Variants in ANKRD28 observed in about 807,000 individuals in gnomAD.
ANKRD28 encodes serine/threonine-protein phosphatase 6 regulatory ankyrin repeat subunit A.
A neutral mutation model predicts 126.5 loss-of-function variants in ANKRD28; 44 were observed. The ratio of observed to expected loss-of-function variants is 0.35; its 90% CI spans 0.27 to 0.45. The LOEUF (loss-of-function observed/expected upper bound fraction) is 0.45. Ranked by LOEUF, ANKRD28 falls within the 20% of genes least tolerant of loss-of-function variation. The probability of loss-of-function intolerance (pLI) is 1.00; values close to 1 mark genes in which losing one functional copy is unlikely to be tolerated. For synonymous variants in ANKRD28, 442 were observed against 468.5 expected (o/e 0.94, Z 0.73); for missense variants, 1,110 against 1,316.6 (o/e 0.84, Z 2.43).
chr3:15,792,222 T>C (rs1461182329), intron 2 of ANKRD28, among the ~76,000 whole-genome samples: 1 of 152,202 alleles, frequency 6.6e-6, no homozygotes, highest in Non-Finnish European at 1.5e-5. Context: ...CTGCTGGGTA[T>C]ATATCCAAAA....
intron 2 of ANKRD28, among the ~76,000 whole-genome samples, chr3:15,768,634 A>T (rs1050283888): frequency 2.0e-5 from 3 of 151,726 alleles, no homozygotes; most frequent in African/African-American, 4.8e-5. Context: ...CCTGGGCAAC[A>T]GAGCAAGATC....
At chr3:15,711,692 A>AT (rs879312791) in intron 11 of ANKRD28, among the ~76,000 whole-genome samples, 178 of 144,964 alleles carry the variant, frequency 1.2e-3, no homozygotes, top group Admixed American at 1.2e-3. Context: ...GGTTTTCTGT[A>AT]TTTTTTTTTT....
intron 1 of ANKRD28, among the ~76,000 whole-genome samples, chr3:15,852,121 T>C (rs2061664897): frequency 6.6e-6 from 1 of 152,178 alleles, no homozygotes; most frequent in Non-Finnish European, 1.5e-5. Flanking sequence ...TAAAATGGAT[T>C]TTGGTGGTAC....
At position 15,714,665 on chromosome 3, in the gene ANKRD28, G is replaced by GA. The variant is rs1429852480; in HGVS notation, c.997-10_997-9insT. 11 of 1,571,798 alleles carry GA rather than the reference G, an allele frequency of 7.0e-6. 1 individual carries two copies. The highest frequency in any genetic ancestry group is 3.4e-4 in the Middle Eastern group (2 of 5,900). ...GTTTTCCCATCTTTACTCTGGGGGGGGAAGAAAAAAATTACTCACTCTACT... is the reference window on the plus strand; with the variant it reads ...GTTTTCCCATCTTTACTCTGGGGGGGAGAAGAAAAAAATTACTCACTCTACT... On this transcript the variant is annotated splice_polypyrimidine_tract_variant and intron_variant, in intron 8 of 27. Coordinates refer to ENST00000683139, the MANE Select transcript of ANKRD28 (RefSeq NM_001349278.2).
chr3:15,762,700 G>A (rs150802813), intron 3 of ANKRD28, among the ~76,000 whole-genome samples: 9 of 151,872 alleles, frequency 5.9e-5, no homozygotes, highest in African/African-American at 2.2e-4. Context: ...GATAATTCCT[G>A]ATATCAAGGA....
In ANKRD28 at chr3:15,727,249, CT is replaced by C. The variant is rs529258275; in HGVS notation, c.641-2726del. Among the ~76,000 whole-genome samples, 301 of 152,088 alleles carry C rather than the reference CT, an allele frequency of 2.0e-3. 2 individuals are homozygous for C. Among genetic ancestry groups the C allele is most frequent in the Middle Eastern group, 0.01 (3 of 294 alleles). ...TGATTCCTCAAAGTAAATTGAAAACCTTCTGGAAAGGATTCATCATTCTAGA... is the reference window on the plus strand; with the variant it reads ...TGATTCCTCAAAGTAAATTGAAAACCTCTGGAAAGGATTCATCATTCTAGA... On this transcript the variant is annotated intron_variant, in intron 6 of 27. Coordinates refer to ENST00000683139, the MANE Select transcript of ANKRD28 (RefSeq NM_001349278.2).
At chr3:15,682,261 A>C (rs1423806354) in intron 21 of ANKRD28, among the ~76,000 whole-genome samples, 1 of 152,322 alleles carries the variant, frequency 6.6e-6, no homozygotes, top group East Asian at 1.9e-4. Context: ...TAAGTATTTA[A>C]AAATTTCTCA....
chr3:15,690,547 G>C (rs2068652077), intron 17 of ANKRD28, among the ~76,000 whole-genome samples: 1 of 152,122 alleles, frequency 6.6e-6, no homozygotes, highest in Non-Finnish European at 1.5e-5. Context: ...TTTCAAGTCT[G>C]ATTCTAAAAA....
intron 17 of ANKRD28, among the ~76,000 whole-genome samples, chr3:15,693,311 A>G (rs931182923): frequency 2.0e-5 from 3 of 151,776 alleles, no homozygotes; most frequent in Admixed American, 6.6e-5. Context: ...CTGACAAAAA[A>G]ATAGTAATGG....
At position 15,669,111 on chromosome 3, in the gene ANKRD28, A is replaced by G. The variant is rs2066136994; in HGVS notation, c.*1159T>C. ...AGGTTACAAACATGCTACTTTAAATATGAATAGGACCTAAGGCTTTAGTAT... is the reference window on the plus strand; with the variant it reads ...AGGTTACAAACATGCTACTTTAAATGTGAATAGGACCTAAGGCTTTAGTAT... On this transcript the variant is annotated 3_prime_UTR_variant, in exon 28 of 28. Transcript: ENST00000683139. The G allele has an allele frequency of 1.3e-5, 2 of 152,272 alleles. No individual in the cohort carries two copies. 9.4% of individuals were successfully genotyped at this position (152,272 alleles called of 1,614,324 possible). A position where few individuals can be genotyped will look rare whatever the true frequency, so the allele number is the denominator to read the frequency against.
chr3:15,714,563 A>G lies in ANKRD28; in HGVS notation c.1075+15T>C, dbSNP rs367741961. 622 of 1,554,362 alleles carry G rather than the reference A, an allele frequency of 4.0e-4. No homozygotes were observed. The highest frequency in any genetic ancestry group is 5.2e-4 in the Non-Finnish European group (602 of 1,158,822). On this transcript the variant is annotated intron_variant, in intron 9 of 27. Transcript: ENST00000683139. ...AAAAAAAAAACCCCAAAAAAAAAAC[A>G]GAAATACTTTTTACCACTCTGGATA...
intron 17 of ANKRD28, 54 bp downstream of exon 17, chr3:15,694,685 A>C (rs1358394381): frequency 2.7e-6 from 4 of 1,469,902 alleles, no homozygotes; most frequent in Middle Eastern, 1.7e-4. Flanking sequence ...ATAGGTTATT[A>C]GATATTTTCA....
intron 1 of ANKRD28, among the ~76,000 whole-genome samples, chr3:15,804,319 T>C (rs1256989317): frequency 2.1e-5 from 3 of 144,632 alleles, no homozygotes; most frequent in Non-Finnish European, 3.0e-5. Flanking sequence ...TATGAAGTTA[T>C]TAATTGTAAC....
intron 6 of ANKRD28, among the ~76,000 whole-genome samples, chr3:15,728,155 T>G (rs919330745): frequency 7.9e-6 from 1 of 125,948 alleles, no homozygotes. Flanking sequence ...TAGTTAGCAT[T>G]TTTTTTTAGC....
intron 3 of ANKRD28, among the ~76,000 whole-genome samples, chr3:15,765,189 CTCTG>C (rs908687496): frequency 1.3e-5 from 2 of 152,254 alleles, no homozygotes; most frequent in East Asian, 3.9e-4. Flanking sequence ...TATTTCTAAA[CTCTG>C]TCTGTCTGCT....
intron 15 of ANKRD28, 68 bp from the exon 16 acceptor site, chr3:15,695,282 T>C (rs1002194198): frequency 5.0e-6 from 6 of 1,195,530 alleles, no homozygotes; most frequent in Non-Finnish European, 7.3e-6. Context: ...TCTCAACTTA[T>C]ATAGAGCTTT....
chr3:15,698,465 T>C (rs1022049295), intron 14 of ANKRD28, among the ~76,000 whole-genome samples: 1 of 152,226 alleles, frequency 6.6e-6, no homozygotes, highest in African/African-American at 2.4e-5. Context: ...TGTTTGCAGA[T>C]GACATGAATG....
At chr3:15,774,514 C>T (rs2059166319) in intron 2 of ANKRD28, among the ~76,000 whole-genome samples, 1 of 152,078 alleles carries the variant, frequency 6.6e-6, no homozygotes, top group Non-Finnish European at 1.5e-5. Flanking sequence ...CAAACACTAC[C>T]TCACATTATA....
intron 1 of ANKRD28, among the ~76,000 whole-genome samples, chr3:15,852,514 T>C (rs1168857652): frequency 6.6e-6 from 1 of 152,204 alleles, no homozygotes; most frequent in Non-Finnish European, 1.5e-5. Context: ...TAGATAAATC[T>C]AGACGAGTAA....
Sources: gnomAD v4.1 joint callset for allele counts (sites outside exome capture counted in the v4.1 genomes callset) on GRCh38, gnomAD v4.1.1 for gene constraint, MANE v1.5 for transcripts, NCBI Gene and HGNC (gene_info 2026-07-23, HGNC 2026-07-21) for gene names.